MYO3B: variants seen among roughly 807,000 people sequenced by gnomAD.
MYO3B encodes myosin-IIIb.
A neutral mutation model predicts 174.6 loss-of-function variants in MYO3B; 156 were observed. That is an observed-to-expected ratio of 0.89 (90% CI 0.78 to 1.02). The LOEUF is 1.02. Ranked by LOEUF, MYO3B falls within the 50% of genes least tolerant of loss-of-function variation. The pLI is 0.00. For missense variants in MYO3B, 1,632 were observed against 1,639.4 expected, an observed-to-expected ratio of 1.00 and a Z score of 0.08; for synonymous variants, 563 against 569.1, an observed-to-expected ratio of 0.99 and a Z score of 0.15.
chr2:170,474,415 G>A (rs2105990896), intron 25 of MYO3B, among the ~76,000 whole-genome samples: 1 of 151,970 alleles, frequency 6.6e-6, no homozygotes, highest in African/African-American at 2.4e-5. Context: ...CTCTTTAAAG[G>A]AAGGATAGGG....
intron 12 of MYO3B, among the ~76,000 whole-genome samples, chr2:170,384,830 T>C (rs919956458): frequency 2.0e-5 from 3 of 152,198 alleles, no homozygotes; most frequent in African/African-American, 7.2e-5. Context: ...TCAGTTCAAT[T>C]CTGACACTAC....
intron 32 of MYO3B, among the ~76,000 whole-genome samples, chr2:170,623,572 G>A (rs1230201035): frequency 6.6e-6 from 1 of 152,118 alleles, no homozygotes; most frequent in Non-Finnish European, 1.5e-5. Context: ...AAGCTCTTTA[G>A]TTTAATTAGA....
chr2:170,440,964 G>T (rs1559003763), intron 22 of MYO3B, among the ~76,000 whole-genome samples: 1 of 151,746 alleles, frequency 6.6e-6, no homozygotes, highest in Non-Finnish European at 1.5e-5. Flanking sequence ...ACCACGCCCG[G>T]CTAATTTTTG....
At chr2:170,263,411 G>A (rs1444609367) in intron 7 of MYO3B, among the ~76,000 whole-genome samples, 2 of 151,992 alleles carry the variant, frequency 1.3e-5, no homozygotes, top group African/African-American at 2.4e-5. Flanking sequence ...AAGAAAAGTG[G>A]GCCCAGGGGA....
chr2:170,237,384 G>A (rs2093082517), intron 7 of MYO3B, among the ~76,000 whole-genome samples: 1 of 152,078 alleles, frequency 6.6e-6, no homozygotes, highest in African/African-American at 2.4e-5. Context: ...GGATTAAGGT[G>A]TAGCTTCTCT....
chr2:170,394,349 A>G (rs774155946), intron 16 of MYO3B, among the ~76,000 whole-genome samples: 6 of 152,216 alleles, frequency 3.9e-5, no homozygotes, highest in African/African-American at 7.2e-5. Context: ...TACTGCTAAT[A>G]ATAATAAAAC....
In MYO3B at chr2:170,405,394, A is replaced by G. The variant is rs546168755; in HGVS notation, c.2432-151A>G. 2.2e-4 allele frequency: 142 copies of G among 644,588 alleles called. No individual in the cohort carries two copies. The East Asian group carries it at 3.4e-3, about 16-fold the overall frequency. 39.9% of individuals were successfully genotyped at this position (644,588 alleles called of 1,614,324 possible). On this transcript the variant is annotated intron_variant, in intron 20 of 34. Transcript: ENST00000408978. ...AGCAAGGATATAATGATAAATGCCC[A>G]TCATATCGGTGATCTTTCTCCACCC...
chr2:170,422,064 T>TACTTTGCA (rs1377567016), intron 22 of MYO3B, among the ~76,000 whole-genome samples: 2 of 152,196 alleles, frequency 1.3e-5, no homozygotes, highest in Non-Finnish European at 2.9e-5. Context: ...TGATTTAAAG[T>TACTTTGCA]TCTGAGCAGC....
At chr2:170,182,715 T>C (rs1352646957) in intron 1 of MYO3B, among the ~76,000 whole-genome samples, 1 of 151,344 alleles carries the variant, frequency 6.6e-6, no homozygotes. Flanking sequence ...AGGTTTATGT[T>C]ATTCTCCTGC....
intron 32 of MYO3B, among the ~76,000 whole-genome samples, chr2:170,561,490 G>T (rs1691709456): frequency 6.6e-6 from 1 of 152,164 alleles, no homozygotes; most frequent in South Asian, 2.1e-4. Context: ...CTCTGTGGGA[G>T]GCTAATGGAA....
chr2:170,311,840 G>A (rs10209680), intron 7 of MYO3B, among the ~76,000 whole-genome samples: 46,805 of 151,886 alleles, frequency 0.31, 7,434 homozygotes, highest in South Asian at 0.39. Flanking sequence ...CAGTTTTCCC[G>A]GCACCGTTTG....
chr2:170,274,892 A>G (rs1248918019), intron 7 of MYO3B, among the ~76,000 whole-genome samples: 4 of 152,166 alleles, frequency 2.6e-5, no homozygotes, highest in African/African-American at 7.2e-5. Flanking sequence ...CATTTTACCC[A>G]ATTCTTTTTC....
intron 8 of MYO3B, among the ~76,000 whole-genome samples, chr2:170,343,030 AACACACACACACACACACACACACAC>A (rs56221872): frequency 3.7e-5 from 5 of 136,014 alleles, no homozygotes; most frequent in African/African-American, 8.4e-5. Context: ...TCGGGCCTCT[AACACACACACACACACACACACACAC>A]ACACACACAC....
intron 3 of MYO3B, among the ~76,000 whole-genome samples, chr2:170,213,028 A>G (rs758918174): frequency 3.9e-5 from 6 of 152,178 alleles, no homozygotes; most frequent in Non-Finnish European, 8.8e-5. Flanking sequence ...CATGCTGCCT[A>G]CAATTTCAGG....
intron 30 of MYO3B, among the ~76,000 whole-genome samples, chr2:170,526,318 G>T (rs778733334): frequency 6.6e-6 from 1 of 152,138 alleles, no homozygotes; most frequent in Non-Finnish European, 1.5e-5. Context: ...AGCTGTTGTG[G>T]GTCATGGTGA....
At chr2:170,436,168 C>T (rs2094752155) in intron 22 of MYO3B, among the ~76,000 whole-genome samples, 2 of 152,182 alleles carry the variant, frequency 1.3e-5, no homozygotes, top group South Asian at 4.1e-4. Flanking sequence ...CTCCTTCCAA[C>T]ACAGGACACA....
chr2:170,525,989 C>T (rs1688974146), intron 30 of MYO3B, among the ~76,000 whole-genome samples: 1 of 152,134 alleles, frequency 6.6e-6, no homozygotes, highest in Non-Finnish European at 1.5e-5. Context: ...CACATGAAAC[C>T]AGAGGGAAAA....
intron 25 of MYO3B, among the ~76,000 whole-genome samples, chr2:170,468,521 T>C (rs1264542223): frequency 6.6e-6 from 1 of 152,142 alleles, no homozygotes; most frequent in African/African-American, 2.4e-5. Context: ...TGGCCAAGCC[T>C]AAAATACTTT....
intron 32 of MYO3B, among the ~76,000 whole-genome samples, chr2:170,609,010 T>C (rs1472038693): frequency 6.6e-6 from 1 of 152,188 alleles, no homozygotes; most frequent in Non-Finnish European, 1.5e-5. Context: ...TTTAAGACAT[T>C]GCTTAAATTT....
Sources: allele counts gnomAD v4.1 joint callset (sites outside exome capture counted in the v4.1 genomes callset), GRCh38; gene constraint gnomAD v4.1.1; transcripts MANE v1.5; gene names NCBI Gene and HGNC (gene_info 2026-07-23, HGNC 2026-07-21).